The following ECT2 variants were observed in gnomAD, a reference collection of about 807,000 sequenced individuals.
ECT2 encodes the protein protein ECT2.
ECT2 carries 61 observed loss-of-function variants against 116.9 expected under a neutral mutation model. The observed-to-expected ratio is 0.52, with a 90% CI of 0.42 to 0.65. The LOEUF (loss-of-function observed/expected upper bound fraction) is 0.65. ECT2 is among the 30% of genes least tolerant of loss of function. The pLI is 0.00. For missense variants in ECT2, 937 were observed against 1,078.7 expected, an observed-to-expected ratio of 0.87 and a Z score of 1.84; for synonymous variants, 358 against 346.4, an observed-to-expected ratio of 1.03 and a Z score of -0.37.
At chr3:172,809,186 CTAGA>C (rs775916497) in intron 22 of ECT2, among the ~76,000 whole-genome samples, 3 of 151,968 alleles carry the variant, frequency 2.0e-5, no homozygotes, top group Non-Finnish European at 4.4e-5. Context: ...GAATGTCAGA[CTAGA>C]TAGTTTATAG....
intron 18 of ECT2, among the ~76,000 whole-genome samples, chr3:172,797,465 A>G (rs978597036): frequency 1.3e-5 from 2 of 152,156 alleles, no homozygotes; most frequent in Admixed American, 1.3e-4. Flanking sequence ...GTCAGCTTTC[A>G]TAACTGTTTT....
chr3:172,808,375 CAAA>C (rs201401594), intron 22 of ECT2, among the ~76,000 whole-genome samples: 1 of 89,002 alleles, frequency 1.1e-5, no homozygotes, highest in African/African-American at 4.8e-5. Context: ...CGTGCCTGGC[CAAA>C]AAAAAAAAAA....
chr3:172,761,519 A>G, intron 7 of ECT2, 91 bp from the exon 8 acceptor site: 1 of 842,582 alleles, frequency 1.2e-6, no homozygotes. Flanking sequence ...AGTGATCTAA[A>G]ACTGCAAAAA....
chr3:172,768,132 A>G (rs1042713156), intron 12 of ECT2, among the ~76,000 whole-genome samples: 8 of 152,138 alleles, frequency 5.3e-5, no homozygotes, highest in Non-Finnish European at 1.0e-4. Flanking sequence ...AGTTTGAACT[A>G]CCAAAGAATT....
At chr3:172,816,259 G>T (rs1275630332) in intron 23 of ECT2, among the ~76,000 whole-genome samples, 1 of 152,038 alleles carries the variant, frequency 6.6e-6, no homozygotes, top group African/African-American at 2.4e-5. Context: ...CTTTCCCTTG[G>T]TGGGGGGGCT....
chr3:172,756,940 A>T lies in ECT2; in HGVS notation c.304-43A>T, dbSNP rs1401190746. ...TTTAGAGAGACAGATGGATTATTTG[A>T]TATATAAATAATTTTTATTTCTGCT... On this transcript the variant is annotated intron_variant, in intron 4 of 24. Transcript: ENST00000392692. 2.1e-6 allele frequency: 3 copies of T among 1,453,944 alleles called. No homozygotes were observed. The East Asian group carries it at 7.1e-5, about 34-fold the overall frequency. 90.1% of individuals were successfully genotyped at this position (1,453,944 alleles called of 1,614,324 possible). A position where few individuals can be genotyped will look rare whatever the true frequency, so the allele number is the denominator to read the frequency against.
intron 18 of ECT2, among the ~76,000 whole-genome samples, chr3:172,799,056 G>T (rs974072810): frequency 2.0e-5 from 3 of 152,126 alleles, no homozygotes; most frequent in African/African-American, 4.8e-5. Context: ...TGTGATCAGT[G>T]TAGAAAAAAA....
At chr3:172,756,818 G>T (rs569435749) in intron 4 of ECT2, among the ~76,000 whole-genome samples, 165 bp from the exon 5 acceptor site, 1 of 152,236 alleles carries the variant, frequency 6.6e-6, no homozygotes, top group East Asian at 1.9e-4. Flanking sequence ...AAATATGGTT[G>T]TTCATTAAGT....
intron 4 of ECT2, among the ~76,000 whole-genome samples, chr3:172,755,949 G>A (rs1299868327): frequency 1.3e-5 from 2 of 152,178 alleles, no homozygotes; most frequent in Non-Finnish European, 2.9e-5. Flanking sequence ...GAGGCTAGAA[G>A]TCCAAGATTA....
At chr3:172,810,044 A>G (rs148448999) in intron 22 of ECT2, among the ~76,000 whole-genome samples, 38 of 152,316 alleles carry the variant, frequency 2.5e-4, no homozygotes, top group Admixed American at 7.9e-4. Context: ...TCTTGCCAAC[A>G]TGTAACCTTT....
At chr3:172,807,713 C>T in intron 21 of ECT2, 57 bp from the exon 22 acceptor site, 1 of 1,543,876 alleles carries the variant, frequency 6.5e-7, no homozygotes. Context: ...AACTTGCATA[C>T]ATCTGTCATT....
chr3:172,784,600 A>G lies in ECT2; in HGVS notation c.1729-107A>G, dbSNP rs957744193. On this transcript the variant is annotated intron_variant, in intron 16 of 24. Transcript: ENST00000392692. ...CACGGAGAAATTCCACTTCTTCTCT[A>G]TTAGTTTGTATCACAGACACTAATG... 9 of 780,464 alleles carry G rather than the reference A, an allele frequency of 1.2e-5. No homozygotes were observed. In the South Asian group the frequency reaches 1.3e-4, roughly 11 times the overall value. The allele number at this position is 780,464 out of a possible 1,614,324, so 48.3% of individuals were successfully genotyped here. A position where few individuals can be genotyped will look rare whatever the true frequency, so the allele number is the denominator to read the frequency against.
At chr3:172,778,055 A>G (rs1055512458) in intron 14 of ECT2, among the ~76,000 whole-genome samples, 2 of 152,210 alleles carry the variant, frequency 1.3e-5, no homozygotes, top group Non-Finnish European at 2.9e-5. Context: ...TGAGCTCAGC[A>G]AAAGAGAAAC....
intron 18 of ECT2, among the ~76,000 whole-genome samples, chr3:172,795,908 A>G (rs1459637080): frequency 1.3e-5 from 2 of 152,198 alleles, no homozygotes; most frequent in Admixed American, 6.5e-5. Flanking sequence ...CTGTTAATAC[A>G]CATAAAATTA....
intron 18 of ECT2, among the ~76,000 whole-genome samples, chr3:172,788,272 T>TA (rs1161208963): frequency 1.3e-5 from 2 of 152,188 alleles, no homozygotes; most frequent in East Asian, 1.9e-4. Context: ...TTAAGCAAAC[T>TA]AAAAAAGCCT....
intron 22 of ECT2, among the ~76,000 whole-genome samples, chr3:172,813,590 T>A (rs1228081425): frequency 2.0e-5 from 3 of 152,094 alleles, no homozygotes; most frequent in South Asian, 2.1e-4. Flanking sequence ...ATACATAACA[T>A]AAAATTTACC....
chr3:172,756,886 G>A (rs1204736844), intron 4 of ECT2, 97 bp from the exon 5 acceptor site: 65 of 1,020,594 alleles, frequency 6.4e-5, no homozygotes, highest in Non-Finnish European at 2.9e-6. Context: ...ACATGTTAAA[G>A]TTGATATTGA....
chr3:172,778,745 G>A (rs541691896), intron 14 of ECT2, among the ~76,000 whole-genome samples: 9 of 151,798 alleles, frequency 5.9e-5, no homozygotes, highest in African/African-American at 1.7e-4. Context: ...ACAGGCACGC[G>A]CCACCATGCC....
At chr3:172,759,735 C>T (rs984767368) in intron 6 of ECT2, among the ~76,000 whole-genome samples, 2 of 152,238 alleles carry the variant, frequency 1.3e-5, no homozygotes, top group South Asian at 2.1e-4. Context: ...TGAGCCACCG[C>T]GCCCGGCCAG....
Sources: gnomAD v4.1 joint callset for allele counts (sites outside exome capture counted in the v4.1 genomes callset) on GRCh38, gnomAD v4.1.1 for gene constraint, MANE v1.5 for transcripts, NCBI Gene and HGNC (gene_info 2026-07-23, HGNC 2026-07-21) for gene names.